Variants in KDM4C observed in about 807,000 individuals in gnomAD.
KDM4C encodes the protein lysine-specific demethylase 4C.
In KDM4C, 81 loss-of-function variants were observed where a neutral mutation model predicts 129.3. The ratio of observed to expected loss-of-function variants is 0.63; its 90% confidence interval spans 0.52 to 0.75. The LOEUF is 0.75. Ranked by LOEUF, KDM4C falls within the 30% of genes least tolerant of loss-of-function variation. KDM4C has a pLI of 0.00. For synonymous variants in KDM4C, 573 were observed against 456.1 expected (o/e 1.26, Z -3.26); for missense variants, 1,457 against 1,304.0 (o/e 1.12, Z -1.81).
chr9:6,799,989 A>T (rs895438453), intron 2 of KDM4C, among the ~76,000 whole-genome samples: 1 of 151,264 alleles, frequency 6.6e-6, no homozygotes. Flanking sequence ...TTGGGAGGCC[A>T]AGGTGGGAGG....
At chr9:6,880,513 C>A (rs188495093) in intron 6 of KDM4C, among the ~76,000 whole-genome samples, 1 of 151,958 alleles carries the variant, frequency 6.6e-6, no homozygotes, top group Non-Finnish European at 1.5e-5. Context: ...ATGTCACTGC[C>A]GACGCCCAGT....
chr9:7,150,467 A>T (rs943009053), intron 19 of KDM4C, among the ~76,000 whole-genome samples: 1 of 152,178 alleles, frequency 6.6e-6, no homozygotes. Context: ...GCAGATATTC[A>T]TGTGTGTATT....
intron 2 of KDM4C, among the ~76,000 whole-genome samples, chr9:6,795,668 T>A (rs10975834): frequency 0.63 from 93,937 of 150,072 alleles, 29,395 homozygotes; most frequent in African/African-American, 0.69. Context: ...TCCTAGAAAA[T>A]TTTTTTTTTT....
intron 1 of KDM4C, among the ~76,000 whole-genome samples, chr9:6,792,442 G>A (rs575977144): frequency 3.9e-5 from 6 of 152,232 alleles, no homozygotes; most frequent in Non-Finnish European, 5.9e-5. Flanking sequence ...AGGCTGGAGT[G>A]CAGTGGCGAG....
intron 15 of KDM4C, among the ~76,000 whole-genome samples, chr9:7,044,207 A>G (rs1160071100): frequency 1.3e-5 from 2 of 151,998 alleles, no homozygotes; most frequent in Non-Finnish European, 2.9e-5. Flanking sequence ...TGAGGGAGTA[A>G]CATTTAGGTT....
At chr9:7,030,366 G>A (rs1044294181) in intron 15 of KDM4C, among the ~76,000 whole-genome samples, 1 of 152,116 alleles carries the variant, frequency 6.6e-6, no homozygotes, top group African/African-American at 2.4e-5. Flanking sequence ...TGAAAATGCT[G>A]TGTTTGATAG....
chr9:6,907,710 C>T (rs1303224401), intron 8 of KDM4C, among the ~76,000 whole-genome samples: 2 of 152,162 alleles, frequency 1.3e-5, no homozygotes, highest in Admixed American at 6.5e-5. Flanking sequence ...AATACAATTA[C>T]TAACTCAAAA....
chr9:6,730,459 CA>C (rs1198290803), intron 1 of KDM4C, among the ~76,000 whole-genome samples: 3 of 151,454 alleles, frequency 2.0e-5, no homozygotes, highest in African/African-American at 7.3e-5. Flanking sequence ...ACTAAAAATA[CA>C]AAAAATTAGC....
chr9:6,970,799 C>A (rs536031756), intron 8 of KDM4C, among the ~76,000 whole-genome samples: 1 of 140,458 alleles, frequency 7.1e-6, no homozygotes, highest in African/African-American at 2.6e-5. Context: ...TCCCACCCCC[C>A]GCCCCTAACC....
chr9:7,165,946 A>G (rs10815533), intron 20 of KDM4C, among the ~76,000 whole-genome samples: 88,085 of 152,156 alleles, frequency 0.58, 25,595 homozygotes, highest in East Asian at 0.62. Context: ...AGTATTAAAG[A>G]GTATATATAC....
Position 6,889,039 on chromosome 9 carries a change from CG to C in KDM4C, c.783+978del, listed in dbSNP as rs1263518743. On this transcript the variant is annotated intron_variant, in intron 7 of 21. Transcript: ENST00000381309. ...TCCCGACCTCGTGATCCGCCCGCCTCGGCCTCCCAAAGTGCTGGGATTACAG... is the reference window on the plus strand; with the variant it reads ...TCCCGACCTCGTGATCCGCCCGCCTCGCCTCCCAAAGTGCTGGGATTACAG... Among the ~76,000 whole-genome samples, 7 of 31,506 alleles carry C rather than the reference CG, an allele frequency of 2.2e-4. 3 individuals are homozygous for C. The highest frequency in any genetic ancestry group is 4.4e-4 in the Non-Finnish European group (7 of 15,780). 20.7% of individuals were successfully genotyped at this position (31,506 alleles called of 152,430 possible).
intron 1 of KDM4C, chr9:6,734,840 A>G (rs1817470767): frequency 2.0e-6 from 1 of 498,504 alleles, no homozygotes; most frequent in Non-Finnish European, 4.0e-6. Flanking sequence ...CAACTACTGA[A>G]TGTTCTTACA....
At chr9:6,761,624 C>T (rs1359794950) in intron 1 of KDM4C, among the ~76,000 whole-genome samples, 1 of 152,092 alleles carries the variant, frequency 6.6e-6, no homozygotes, top group Non-Finnish European at 1.5e-5. Context: ...CTGGCCTGAT[C>T]ATCCCTTCCT....
At chr9:7,013,345 A>C (rs1367354528) in intron 13 of KDM4C, among the ~76,000 whole-genome samples, 1 of 152,194 alleles carries the variant, frequency 6.6e-6, no homozygotes, top group East Asian at 1.9e-4. Context: ...AAATACTGCA[A>C]GTGATGAGGC....
At chr9:7,050,445 A>AAG (rs1294107126) in intron 17 of KDM4C, among the ~76,000 whole-genome samples, 17 of 149,926 alleles carry the variant, frequency 1.1e-4, no homozygotes, top group East Asian at 1.9e-4. Context: ...AGATTACCAA[A>AAG]AAAAAAAAAA....
chr9:7,112,663 A>G (rs534232790), intron 18 of KDM4C, among the ~76,000 whole-genome samples: 1 of 152,190 alleles, frequency 6.6e-6, no homozygotes, highest in Non-Finnish European at 1.5e-5. Flanking sequence ...GATACATCAT[A>G]TGTAGCTATG....
intron 3 of KDM4C, among the ~76,000 whole-genome samples, chr9:6,809,432 A>C (rs1032380499): frequency 6.6e-6 from 1 of 152,186 alleles, no homozygotes; most frequent in Admixed American, 6.5e-5. Context: ...TAAAGTGTTA[A>C]TTGAATAGGT....
At chr9:7,017,290 C>T (rs1341092854) in intron 15 of KDM4C, among the ~76,000 whole-genome samples, 1 of 152,154 alleles carries the variant, frequency 6.6e-6, no homozygotes, top group Non-Finnish European at 1.5e-5. Context: ...CTCATCCTTA[C>T]ATTTATACTT....
In KDM4C at chr9:7,050,839, T is replaced by C. The variant is rs559179763; in HGVS notation, c.2424+1639T>C. 2.0e-5 allele frequency among the ~76,000 whole-genome samples: 3 copies of C among 152,316 alleles called. No homozygotes were observed. The East Asian group carries it at 5.8e-4, about 29-fold the overall frequency. ...ACAGCAGGGAAGGGCAGCAGGATTA[T>C]TTCATCCACATTCAGGGTGTTATAT... is the stretch of plus-strand genomic sequence containing the variant. On this transcript the variant is annotated intron_variant, in intron 17 of 21. Coordinates refer to ENST00000381309, the MANE Select transcript of KDM4C (RefSeq NM_015061.6).
Sources: gnomAD v4.1 joint callset for allele counts (sites outside exome capture counted in the v4.1 genomes callset) on GRCh38, gnomAD v4.1.1 for gene constraint, MANE v1.5 for transcripts, NCBI Gene and HGNC (gene_info 2026-07-23, HGNC 2026-07-21) for gene names.